The following ANXA4 variants were observed in gnomAD, a reference collection of about 807,000 sequenced individuals.
ANXA4 encodes the protein 35-beta calcimedin.
Under a neutral mutation model 49.8 loss-of-function variants are expected in ANXA4, and 39 were observed. That is an observed-to-expected ratio of 0.78 (90% confidence interval 0.61 to 1.02). ANXA4 has a LOEUF of 1.02. Ranked by LOEUF, ANXA4 falls within the 50% of genes least tolerant of loss-of-function variation. ANXA4 has a pLI of 0.00. For missense variants in ANXA4, 360 were observed against 410.1 expected (o/e 0.88, Z 1.05); for synonymous variants, 134 against 152.5 (o/e 0.88, Z 0.89).
chr2:69,705,163 G>C (rs1248039013), intron 2 of ANXA4, among the ~76,000 whole-genome samples: 2 of 151,996 alleles, frequency 1.3e-5, no homozygotes, highest in African/African-American at 4.8e-5. Context: ...AAGCGTGGTG[G>C]TGTGCAACTG....
At chr2:69,815,779 A>T in intron 8 of ANXA4, 1 of 269,024 alleles carries the variant, frequency 3.7e-6, no homozygotes, top group Non-Finnish European at 7.1e-6. Flanking sequence ...TAACATTTAA[A>T]CAGCCACATG....
At chr2:69,749,469 C>G (rs1042085221) in intron 1 of ANXA4, among the ~76,000 whole-genome samples, 14 of 152,088 alleles carry the variant, frequency 9.2e-5, no homozygotes, top group African/African-American at 3.4e-4. Flanking sequence ...ATAGTAGAAA[C>G]AACCTAAACA....
intron 1 of ANXA4, among the ~76,000 whole-genome samples, chr2:69,746,468 T>A (rs1258513410): frequency 6.6e-6 from 1 of 152,338 alleles, no homozygotes; most frequent in East Asian, 1.9e-4. Context: ...TTGTTTAACT[T>A]AATTGAAACT....
intron 2 of ANXA4, among the ~76,000 whole-genome samples, chr2:69,718,790 C>T (rs556468478): frequency 6.7e-6 from 1 of 148,868 alleles, no homozygotes; most frequent in South Asian, 2.1e-4. Flanking sequence ...CACATGCATA[C>T]ACATACGTGC....
At chr2:69,825,364 C>A in intron 12 of ANXA4, 92 bp from the exon 13 acceptor site, 2 of 1,020,214 alleles carry the variant, frequency 2.0e-6, no homozygotes, top group African/African-American at 1.7e-5. Flanking sequence ...AAGAAAAATC[C>A]AGCCAAGCTT....
intron 3 of ANXA4, among the ~76,000 whole-genome samples, chr2:69,794,883 T>A (rs376492358): frequency 1.3e-5 from 2 of 152,122 alleles, no homozygotes; most frequent in African/African-American, 4.8e-5. Flanking sequence ...GTATAAAGGG[T>A]GAGCCATTTC....
intron 9 of ANXA4, chr2:69,818,246 G>A (rs112262161): frequency 6.2e-6 from 1 of 160,132 alleles, no homozygotes; most frequent in African/African-American, 2.4e-5. Context: ...TGACAGGGAG[G>A]TGATTGCCAA....
intron 1 of ANXA4, among the ~76,000 whole-genome samples, chr2:69,744,333 A>G (rs1670527425): frequency 6.6e-6 from 1 of 152,130 alleles, no homozygotes; most frequent in South Asian, 2.1e-4. Flanking sequence ...ACAAACAAAA[A>G]CAAGAGGAGG....
chr2:69,788,967 G>A (rs1229709559), intron 3 of ANXA4, among the ~76,000 whole-genome samples: 1 of 151,680 alleles, frequency 6.6e-6, no homozygotes, highest in East Asian at 1.9e-4. Flanking sequence ...GATGGGGAGG[G>A]GCATTAGTTC....
intron 2 of ANXA4, among the ~76,000 whole-genome samples, chr2:69,674,915 GTT>G (rs71397341): frequency 1.6e-4 from 19 of 115,456 alleles, no homozygotes; most frequent in African/African-American, 5.7e-4. Context: ...AACATAAACT[GTT>G]TTTTTTTTTT....
At chr2:69,668,723 C>G (rs1212926249) in intron 2 of ANXA4, among the ~76,000 whole-genome samples, 2 of 152,092 alleles carry the variant, frequency 1.3e-5, no homozygotes, top group Non-Finnish European at 2.9e-5. Context: ...CAGGCACAGC[C>G]ATATTACGCT....
At position 69,661,438 on chromosome 2, in the gene ANXA4, G is replaced by A. The variant is rs141453644; in HGVS notation, n.766+8156G>A. ...GAAGGAGGATTGCTTGAGCCCAGGA[G>A]TTCAAGACCACCCTGTGCAAGATGA... is the stretch of plus-strand genomic sequence containing the variant. On this transcript the variant is annotated intron_variant and non_coding_transcript_variant, in intron 2 of 3. Coordinates refer to the ANXA4 transcript ENST00000418066. Among the ~76,000 whole-genome samples the A allele has an allele frequency of 1.4e-3, 211 of 152,032 alleles. 2 individuals carry two copies. In the South Asian group the frequency reaches 0.016, roughly 11 times the overall value.
At chr2:69,780,218 A>G (rs548541431) in intron 1 of ANXA4, among the ~76,000 whole-genome samples, 134 of 152,224 alleles carry the variant, frequency 8.8e-4, no homozygotes, top group Non-Finnish European at 1.1e-3. Flanking sequence ...CTTTTGAGAC[A>G]GTGTCTCACT....
intron 1 of ANXA4, among the ~76,000 whole-genome samples, chr2:69,759,692 A>C (rs982602216): frequency 1.3e-5 from 2 of 152,216 alleles, no homozygotes; most frequent in African/African-American, 4.8e-5. Flanking sequence ...CTGACTGTCC[A>C]GGATGCATAC....
chr2:69,748,294 G>A (rs1219858305), intron 1 of ANXA4, among the ~76,000 whole-genome samples: 18 of 151,890 alleles, frequency 1.2e-4, no homozygotes, highest in African/African-American at 4.1e-4. Context: ...CAGGAGAATG[G>A]TGTGAACCCG....
intron 2 of ANXA4, among the ~76,000 whole-genome samples, chr2:69,702,075 G>A (rs1372374824): frequency 4.6e-5 from 7 of 151,924 alleles, no homozygotes; most frequent in South Asian, 2.1e-4. Context: ...GCAGTGGCGC[G>A]ATCTCAGCTC....
intron 2 of ANXA4, among the ~76,000 whole-genome samples, chr2:69,655,712 T>C (rs537468754): frequency 6.6e-6 from 1 of 152,248 alleles, no homozygotes; most frequent in South Asian, 2.1e-4. Context: ...CATTCCACTT[T>C]AAAGACACAT....
Position 69,807,905 on chromosome 2 carries a change from G to A in ANXA4, c.307-1G>A. Reference sequence around the variant, plus strand: ...GCCCTGTCCTCTGGTTTCTTGTTTAGGGAGCCGGCACTGATGAGGGCTGCC... The same window carrying A: ...GCCCTGTCCTCTGGTTTCTTGTTTAAGGAGCCGGCACTGATGAGGGCTGCC... On this transcript the variant is annotated splice_acceptor_variant, in intron 5 of 12. Transcript: ENST00000394295. LOFTEE classifies it high-confidence loss of function. 1 of 1,613,942 alleles carries A rather than the reference G, an allele frequency of 6.2e-7. No individual in the cohort carries two copies. The highest frequency in any genetic ancestry group is 8.5e-7 in the Non-Finnish European group (1 of 1,179,930).
chr2:69,722,086 A>G (rs1391119794), intron 3 of ANXA4, among the ~76,000 whole-genome samples: 1 of 152,208 alleles, frequency 6.6e-6, no homozygotes, highest in Non-Finnish European at 1.5e-5. Flanking sequence ...GTGTTTTATA[A>G]CCTTCAAAGT....
Sources: allele counts gnomAD v4.1 joint callset (sites outside exome capture counted in the v4.1 genomes callset), GRCh38; gene constraint gnomAD v4.1.1; transcripts MANE v1.5; gene names NCBI Gene and HGNC (gene_info 2026-07-23, HGNC 2026-07-21).